FHIT: variants seen among roughly 807,000 people sequenced by gnomAD.
FHIT encodes the protein bis(5'-adenosyl)-triphosphatase.
Under a neutral mutation model 17.9 loss-of-function variants are expected in FHIT, and 19 were observed. That is an observed-to-expected ratio of 1.06 (90% CI 0.74 to 1.56). FHIT has a LOEUF of 1.56. Ranked by LOEUF, FHIT falls within the 40% of genes most tolerant of loss-of-function variation. The pLI, the probability that FHIT is intolerant of heterozygous loss-of-function variation, is 0.00. For missense variants in FHIT, 248 were observed against 189.2 expected (o/e 1.31, Z -1.82); for synonymous variants, 81 against 69.7 (o/e 1.16, Z -0.81).
At chr3:59,874,970 C>T (rs1284457414) in intron 8 of FHIT, among the ~76,000 whole-genome samples, 2 of 152,238 alleles carry the variant, frequency 1.3e-5, no homozygotes, top group Non-Finnish European at 2.9e-5. Context: ...AGAAGCATCT[C>T]CTATTTCGGC....
chr3:60,656,977 C>CAT, intron 4 of FHIT, among the ~76,000 whole-genome samples: 1 of 58,318 alleles, frequency 1.7e-5, no homozygotes, highest in South Asian at 7.4e-4. Context: ...TTTTTATGTC[C>CAT]ACACAAAAAA....
chr3:59,939,482 T>G (rs993933790), intron 7 of FHIT, among the ~76,000 whole-genome samples: 4 of 152,064 alleles, frequency 2.6e-5, no homozygotes, highest in African/African-American at 9.7e-5. Flanking sequence ...TCCCTCAAGG[T>G]GTGGGTCAGA....
chr3:61,103,073 C>T (rs184997436), intron 2 of FHIT, among the ~76,000 whole-genome samples: 83 of 152,158 alleles, frequency 5.5e-4, no homozygotes, highest in Non-Finnish European at 9.1e-4. Context: ...CTCTGATCTT[C>T]GTTATTTCTT....
chr3:60,808,457 C>A (rs1166753028), intron 4 of FHIT, among the ~76,000 whole-genome samples: 1 of 152,064 alleles, frequency 6.6e-6, no homozygotes, highest in African/African-American at 2.4e-5. Flanking sequence ...GGTTCATTTT[C>A]TTTGAGAGGC....
At chr3:60,185,574 C>A (rs1366152709) in intron 5 of FHIT, among the ~76,000 whole-genome samples, 1 of 152,228 alleles carries the variant, frequency 6.6e-6, no homozygotes, top group African/African-American at 2.4e-5. Context: ...AAAGCTGAGA[C>A]AAACATTCCA....
chr3:60,191,730 C>T (rs1472047164), intron 5 of FHIT, among the ~76,000 whole-genome samples: 1 of 151,930 alleles, frequency 6.6e-6, no homozygotes, highest in Non-Finnish European at 1.5e-5. Context: ...AAATTGGAGA[C>T]AGATTAAAGA....
At chr3:61,095,039 C>G (rs1559976959) in intron 2 of FHIT, among the ~76,000 whole-genome samples, 1 of 152,198 alleles carries the variant, frequency 6.6e-6, no homozygotes, top group Non-Finnish European at 1.5e-5. Context: ...GAATTAGATA[C>G]TGCAATGGAA....
intron 5 of FHIT, among the ~76,000 whole-genome samples, chr3:60,484,733 G>T (rs907427742): frequency 6.6e-6 from 1 of 152,070 alleles, no homozygotes; most frequent in African/African-American, 2.4e-5. Flanking sequence ...CAAAACCTAG[G>T]CAATACCATT....
At chr3:60,205,629 G>C (rs1310253291) in intron 5 of FHIT, among the ~76,000 whole-genome samples, 3 of 152,130 alleles carry the variant, frequency 2.0e-5, no homozygotes, top group Admixed American at 2.0e-4. Context: ...TGGTGGATGA[G>C]GTGGGTCATG....
intron 8 of FHIT, among the ~76,000 whole-genome samples, chr3:59,902,024 G>A (rs545144041): frequency 1.3e-5 from 2 of 152,242 alleles, no homozygotes; most frequent in Admixed American, 6.5e-5. Flanking sequence ...CAAAATGGGA[G>A]AGCATATTTG....
At chr3:60,033,362 C>G (rs577839590) in intron 5 of FHIT, among the ~76,000 whole-genome samples, 14 of 151,988 alleles carry the variant, frequency 9.2e-5, no homozygotes, top group Admixed American at 7.9e-4. Flanking sequence ...GGCGTGGTGG[C>G]GCATGCCTGT....
At chr3:61,028,253 C>G (rs2107661414) in intron 3 of FHIT, among the ~76,000 whole-genome samples, 1 of 152,284 alleles carries the variant, frequency 6.6e-6, no homozygotes, top group African/African-American at 2.4e-5. Context: ...GTCAAGATAG[C>G]TTTCTACAAT....
intron 5 of FHIT, among the ~76,000 whole-genome samples, chr3:60,336,763 T>C (rs1710259129): frequency 6.6e-6 from 1 of 151,926 alleles, no homozygotes; most frequent in Non-Finnish European, 1.5e-5. Context: ...AATTAGATAA[T>C]AACATACAGT....
intron 5 of FHIT, among the ~76,000 whole-genome samples, chr3:60,121,640 T>C (rs7650150): frequency 0.48 from 73,049 of 151,176 alleles, 18,189 homozygotes; most frequent in African/African-American, 0.56. Context: ...GCTGAGATCA[T>C]GCCATTGCAC....
intron 1 of FHIT, among the ~76,000 whole-genome samples, chr3:61,227,913 T>C (rs772190538): frequency 1.3e-5 from 2 of 152,136 alleles, no homozygotes; most frequent in Admixed American, 6.5e-5. Flanking sequence ...AGGGTTGAAT[T>C]TGGCCTAAAA....
chr3:61,067,883 G>T (rs2034667219), intron 2 of FHIT, among the ~76,000 whole-genome samples: 2 of 152,110 alleles, frequency 1.3e-5, no homozygotes, highest in Admixed American at 1.3e-4. Context: ...ATAACCACCT[G>T]CAACAAAAGT....
chr3:60,092,422 T>C (rs2107101503), intron 5 of FHIT, among the ~76,000 whole-genome samples: 1 of 152,304 alleles, frequency 6.6e-6, no homozygotes, highest in Middle Eastern at 3.4e-3. Context: ...CGAAGCAACA[T>C]TTTATCTACA....
intron 2 of FHIT, among the ~76,000 whole-genome samples, chr3:61,182,049 C>T (rs55741715): frequency 0.098 from 14,871 of 152,078 alleles, 2,415 homozygotes; most frequent in African/African-American, 0.34. Context: ...CATGTGAAAT[C>T]GGATACTCTG....
chr3:60,420,320 G>A (rs1342955480), intron 5 of FHIT, among the ~76,000 whole-genome samples: 1 of 151,998 alleles, frequency 6.6e-6, no homozygotes, highest in Non-Finnish European at 1.5e-5. Context: ...GTATAACACA[G>A]TTCATTCAAC....
Sources: allele counts gnomAD v4.1 joint callset (sites outside exome capture counted in the v4.1 genomes callset), GRCh38; gene constraint gnomAD v4.1.1; transcripts MANE v1.5; gene names NCBI Gene and HGNC (gene_info 2026-07-23, HGNC 2026-07-21).